Variants in PTPRT observed in about 807,000 individuals in gnomAD.
The protein encoded by PTPRT is receptor-type tyrosine-protein phosphatase T.
Under a neutral mutation model 176.8 loss-of-function variants are expected in PTPRT, and 56 were observed. The ratio of observed to expected loss-of-function variants is 0.32; its 90% CI spans 0.26 to 0.40. The LOEUF is 0.40. Ranked by LOEUF, PTPRT falls within the 10% of genes least tolerant of loss-of-function variation. The pLI is 1.00. For missense variants in PTPRT, 1,540 were observed against 1,908.2 expected (o/e 0.81, Z 3.60); for synonymous variants, 783 against 739.0 (o/e 1.06, Z -0.96).
At chr20:42,482,244 T>TCTAAGAGACAA in intron 7 of PTPRT, among the ~76,000 whole-genome samples, 1 of 152,142 alleles carries the variant, frequency 6.6e-6, no homozygotes, top group Non-Finnish European at 1.5e-5. Flanking sequence ...AGGAGGCTAA[T>TCTAAGAGACAA]GGCCACAGAG....
intron 1 of PTPRT, among the ~76,000 whole-genome samples, chr20:43,139,351 C>T (rs1568807659): frequency 6.6e-6 from 1 of 152,206 alleles, no homozygotes; most frequent in East Asian, 1.9e-4. Context: ...CCTTCACTCT[C>T]TGTGGCTTCT....
At position 43,051,625 on chromosome 20, in the gene PTPRT, TAAA is replaced by T. The variant is rs35885799; in HGVS notation, c.88+138018_88+138020del. Among the ~76,000 whole-genome samples, 194 of 91,940 alleles carry T rather than the reference TAAA, an allele frequency of 2.1e-3. 1 individual carries two copies. The highest frequency in any genetic ancestry group is 4.2e-3 in the Admixed American group (33 of 7,930). The allele number at this position is 91,940 out of a possible 152,430, so 60.3% of individuals were successfully genotyped here. A position where few individuals can be genotyped will look rare whatever the true frequency, so the allele number is the denominator to read the frequency against. On this transcript the variant is annotated intron_variant, in intron 1 of 30. Coordinates refer to ENST00000373187, the MANE Select transcript of PTPRT (RefSeq NM_007050.6). ...TCCTTCCAGCCACACTCTGTAACTG[TAAA>T]AAAAAAAAAAAAAAAAAAAAATCTA...
intron 12 of PTPRT, among the ~76,000 whole-genome samples, chr20:42,315,110 G>A (rs1300935405): frequency 7.2e-5 from 5 of 69,414 alleles, no homozygotes; most frequent in Non-Finnish European, 1.3e-4. Flanking sequence ...CCCGGGAAGC[G>A]GAGCTTGCAG....
intron 9 of PTPRT, among the ~76,000 whole-genome samples, chr20:42,360,602 T>G (rs2058419717): frequency 6.6e-6 from 1 of 152,260 alleles, no homozygotes; most frequent in Admixed American, 6.5e-5. Context: ...CCAATGGCTT[T>G]TAGTCTGTAT....
chr20:42,137,189 C>A (rs1351711097), intron 18 of PTPRT, among the ~76,000 whole-genome samples: 1 of 152,172 alleles, frequency 6.6e-6, no homozygotes, highest in Non-Finnish European at 1.5e-5. Flanking sequence ...ATCTGTAGGA[C>A]CCAGGCAATG....
At chr20:42,231,693 C>T (rs6030075) in intron 15 of PTPRT, among the ~76,000 whole-genome samples, 4,808 of 152,242 alleles carry the variant, frequency 0.032, 290 homozygotes, top group African/African-American at 0.11. Context: ...AAATCTGGCT[C>T]ACTGCTTGGT....
intron 13 of PTPRT, among the ~76,000 whole-genome samples, chr20:42,277,543 A>G (rs979927090): frequency 6.6e-6 from 1 of 152,122 alleles, no homozygotes; most frequent in Admixed American, 6.5e-5. Flanking sequence ...AGCAAATTTC[A>G]TTTTCTGAAA....
intron 7 of PTPRT, among the ~76,000 whole-genome samples, chr20:42,521,113 T>C (rs13036289): frequency 0.44 from 67,124 of 151,164 alleles, 17,442 homozygotes; most frequent in African/African-American, 0.74. Context: ...ACCTACCTAG[T>C]GACCTACCTA....
intron 2 of PTPRT, among the ~76,000 whole-genome samples, chr20:42,819,495 A>G (rs1387510661): frequency 1.8e-4 from 27 of 152,212 alleles, no homozygotes; most frequent in Admixed American, 1.8e-3. Flanking sequence ...TGCATCAACT[A>G]GTGTGCAAAA....
chr20:42,590,183 C>A (rs1250211470), intron 7 of PTPRT, among the ~76,000 whole-genome samples: 1 of 152,120 alleles, frequency 6.6e-6, no homozygotes, highest in African/African-American at 2.4e-5. Context: ...CCAGTTGAGG[C>A]CCCCAGGTGG....
intron 1 of PTPRT, among the ~76,000 whole-genome samples, chr20:42,922,582 A>T (rs1321727560): frequency 6.6e-6 from 1 of 152,180 alleles, no homozygotes; most frequent in East Asian, 1.9e-4. Flanking sequence ...GTGCCTCAGC[A>T]TCCCTTGTAG....
intron 1 of PTPRT, among the ~76,000 whole-genome samples, chr20:42,915,181 CT>C (rs1978655584): frequency 6.6e-6 from 1 of 152,240 alleles, no homozygotes; most frequent in Non-Finnish European, 1.5e-5. Context: ...ACAGCTTTTG[CT>C]ATTTTAGGGC....
chr20:42,205,933 C>T (rs1175776804), intron 15 of PTPRT, among the ~76,000 whole-genome samples: 1 of 152,124 alleles, frequency 6.6e-6, no homozygotes, highest in Non-Finnish European at 1.5e-5. Flanking sequence ...AGTTACACAT[C>T]GCAACTGTAA....
At position 42,482,776 on chromosome 20, in the gene PTPRT, T is replaced by C. The variant is rs920949078; in HGVS notation, c.1154-10214A>G. Reference sequence around the variant, plus strand: ...CCTGATCTTTCTTCTTCATTTACCCTGAAGTTTTTACTTTTTTTCCCACGG... The same window carrying C: ...CCTGATCTTTCTTCTTCATTTACCCCGAAGTTTTTACTTTTTTTCCCACGG... On this transcript the variant is annotated intron_variant, in intron 7 of 30. Transcript: ENST00000373187. 2.0e-5 allele frequency among the ~76,000 whole-genome samples: 3 copies of C among 152,172 alleles called. No individual in the cohort carries two copies. In the South Asian group the frequency reaches 6.2e-4, roughly 32 times the overall value.
intron 1 of PTPRT, among the ~76,000 whole-genome samples, chr20:43,064,503 T>TA (rs1398191971): frequency 6.6e-6 from 1 of 152,104 alleles, no homozygotes; most frequent in Admixed American, 6.5e-5. Flanking sequence ...GATTTCAAAT[T>TA]AAAAAACAAC....
At chr20:42,618,221 G>C (rs2074118552) in intron 7 of PTPRT, among the ~76,000 whole-genome samples, 1 of 126,796 alleles carries the variant, frequency 7.9e-6, no homozygotes, top group Admixed American at 7.3e-5. Context: ...TCAGGAGCAG[G>C]TTGTTCAGTT....
At position 42,074,374 on chromosome 20, in the gene PTPRT, C is replaced by T. The variant is rs1443645907; in HGVS notation, c.*6505G>A. On this transcript the variant is annotated 3_prime_UTR_variant, in exon 31 of 31. Coordinates refer to ENST00000373187, the MANE Select transcript of PTPRT (RefSeq NM_007050.6). Reference sequence around the variant, plus strand: ...TCCTATGACCCTTTCTCCTCCACATCCAAGAGTCCTGCTCACTAAGGAACC... The same window carrying T: ...TCCTATGACCCTTTCTCCTCCACATTCAAGAGTCCTGCTCACTAAGGAACC... 1.7e-5 allele frequency: 4 copies of T among 239,492 alleles called. No homozygotes were observed. In the Admixed American group the frequency reaches 2.2e-4, roughly 13 times the overall value. 14.8% of individuals were successfully genotyped at this position (239,492 alleles called of 1,614,324 possible).
intron 5 of PTPRT, among the ~76,000 whole-genome samples, chr20:42,765,897 C>A (rs1008460905): frequency 1.3e-5 from 2 of 152,006 alleles, no homozygotes; most frequent in Admixed American, 6.6e-5. Flanking sequence ...AGGTTCTTTC[C>A]AGCCTTTTGT....
intron 16 of PTPRT, among the ~76,000 whole-genome samples, chr20:42,183,646 A>AT (rs1990612227): frequency 6.6e-6 from 1 of 152,154 alleles, no homozygotes; most frequent in African/African-American, 2.4e-5. Flanking sequence ...GTATTCTTTT[A>AT]TTTTAGAATA....
Sources: gnomAD v4.1 joint callset for allele counts (sites outside exome capture counted in the v4.1 genomes callset) on GRCh38, gnomAD v4.1.1 for gene constraint, MANE v1.5 for transcripts, NCBI Gene and HGNC (gene_info 2026-07-23, HGNC 2026-07-21) for gene names.